Variants in SCMH1 observed in about 807,000 individuals in gnomAD.
SCMH1 encodes polycomb protein SCMH1.
Under a neutral mutation model 70.8 loss-of-function variants are expected in SCMH1, and 37 were observed. That is an observed-to-expected ratio of 0.52 (90% CI 0.40 to 0.69). SCMH1 has a LOEUF of 0.69. Ranked by LOEUF, SCMH1 falls within the 30% of genes least tolerant of loss-of-function variation. SCMH1 has a pLI of 0.00. For synonymous variants in SCMH1, 292 were observed against 307.4 expected (o/e 0.95, Z 0.52); for missense variants, 607 against 827.3 (o/e 0.73, Z 3.27).
intron 11 of SCMH1, 68 bp downstream of exon 11, chr1:41,048,622 A>C: frequency 7.0e-7 from 1 of 1,435,954 alleles, no homozygotes; most frequent in Non-Finnish European, 9.7e-7. Context: ...GATGCCTTAC[A>C]AGAAATCAAC....
rs61364234 is a variant in SCMH1 at position 41,080,425 on chromosome 1, G to GA, written c.746-4975dup. ...CAAAACATGACAAAGATAGTTACAAGAAAAAAAAACTATAGACTAATATCC... is the reference window on the plus strand; with the variant it reads ...CAAAACATGACAAAGATAGTTACAAGAAAAAAAAAACTATAGACTAATATCC... On this transcript the variant is annotated intron_variant, in intron 8 of 14. Coordinates refer to ENST00000337495, the Ensembl canonical transcript of SCMH1. 1.5e-3 allele frequency among the ~76,000 whole-genome samples: 226 copies of GA among 150,228 alleles called. 5 individuals are homozygous for GA. The East Asian group carries it at 0.022, about 15-fold the overall frequency.
chr1:41,052,003 C>A (rs1648352739), intron 10 of SCMH1, among the ~76,000 whole-genome samples: 1 of 152,150 alleles, frequency 6.6e-6, no homozygotes, highest in Non-Finnish European at 1.5e-5. Flanking sequence ...ATAGGTGTAC[C>A]ATTTAAAAAA....
At chr1:41,187,083 A>G (rs1650423502) in intron 1 of SCMH1, among the ~76,000 whole-genome samples, 1 of 152,120 alleles carries the variant, frequency 6.6e-6, no homozygotes, top group Non-Finnish European at 1.5e-5. Flanking sequence ...AACAAAACAA[A>G]AAATGCTGAA....
At chr1:41,218,816 T>C (rs1303333222) in intron 1 of SCMH1, among the ~76,000 whole-genome samples, 1 of 152,192 alleles carries the variant, frequency 6.6e-6, no homozygotes, top group African/African-American at 2.4e-5. Context: ...CACTAAACTT[T>C]CTCTTATGTA....
chr1:41,189,974 T>C (rs1471777412), intron 1 of SCMH1, among the ~76,000 whole-genome samples: 1 of 152,212 alleles, frequency 6.6e-6, no homozygotes, highest in East Asian at 1.9e-4. Flanking sequence ...GTGGTTCCTA[T>C]AGTGCCACTT....
Position 41,103,132 on chromosome 1 carries a change from A to T in SCMH1, c.745+10151T>A, listed in dbSNP as rs533716060. Among the ~76,000 whole-genome samples, 111 of 145,388 alleles carry T rather than the reference A, an allele frequency of 7.6e-4. No homozygotes were observed. The East Asian group carries it at 0.014, about 18-fold the overall frequency. ...TAATCTAGGGAATCAAGGGAAGAAA[A>T]TTTTTTTTTTTTTCTTTAAGACAGA... On this transcript the variant is annotated intron_variant, in intron 8 of 14. Coordinates refer to ENST00000337495, the Ensembl canonical transcript of SCMH1.
chr1:41,069,665 A>G (rs532698413), intron 10 of SCMH1, among the ~76,000 whole-genome samples: 1 of 152,330 alleles, frequency 6.6e-6, no homozygotes, highest in East Asian at 1.9e-4. Flanking sequence ...TAATCCTATC[A>G]TTGTATAGAT....
chr1:41,098,928 G>C (rs927516590), intron 8 of SCMH1: 2 of 256,298 alleles, frequency 7.8e-6, no homozygotes, highest in African/African-American at 4.6e-5. Context: ...CTGACCACTG[G>C]GTCAGCCATG....
At chr1:41,165,506 A>G (rs1046238518) in intron 2 of SCMH1, among the ~76,000 whole-genome samples, 3 of 152,138 alleles carry the variant, frequency 2.0e-5, no homozygotes, top group Non-Finnish European at 4.4e-5. Flanking sequence ...TATCCGTAAC[A>G]GTGTATAAAG....
At chr1:41,228,886 C>A (rs1251188100) in intron 1 of SCMH1, among the ~76,000 whole-genome samples, 2 of 152,180 alleles carry the variant, frequency 1.3e-5, no homozygotes, top group Non-Finnish European at 2.9e-5. Context: ...TCAGATGCAA[C>A]TGCAGTAATT....
At chr1:41,224,338 T>G (rs1164679770) in intron 1 of SCMH1, among the ~76,000 whole-genome samples, 1 of 152,208 alleles carries the variant, frequency 6.6e-6, no homozygotes, top group Non-Finnish European at 1.5e-5. Flanking sequence ...CCCCTGTATC[T>G]AACACATGGT....
intron 10 of SCMH1, among the ~76,000 whole-genome samples, chr1:41,054,901 A>G (rs918292680): frequency 2.0e-5 from 3 of 152,074 alleles, no homozygotes; most frequent in African/African-American, 7.2e-5. Context: ...CTCCCACCTC[A>G]GCCTCCTGAG....
intron 6 of SCMH1, among the ~76,000 whole-genome samples, chr1:41,119,903 C>A (rs1557530267): frequency 6.6e-6 from 1 of 152,124 alleles, no homozygotes; most frequent in Non-Finnish European, 1.5e-5. Context: ...TGCTACTCTT[C>A]TTTTGACAAT....
chr1:41,230,327 T>G (rs1041669940), intron 1 of SCMH1, among the ~76,000 whole-genome samples: 12 of 151,994 alleles, frequency 7.9e-5, no homozygotes, highest in African/African-American at 2.9e-4. Flanking sequence ...TAGGATGTAG[T>G]CCTAAGGGGT....
intron 13 of SCMH1, 53 bp from the exon 15 acceptor site, chr1:41,028,779 C>T: frequency 6.3e-7 from 1 of 1,594,228 alleles, no homozygotes; most frequent in Non-Finnish European, 8.6e-7. Flanking sequence ...TTTGTAAATC[C>T]CCACCACTCT....
At chr1:41,160,009 C>T (rs977887929) in intron 4 of SCMH1, 2 of 336,236 alleles carry the variant, frequency 5.9e-6, no homozygotes, top group African/African-American at 4.3e-5. Flanking sequence ...CACAAAGTTA[C>T]TAAGTGGCAG....
intron 4 of SCMH1, 147 bp from the exon 5 acceptor site, chr1:41,151,831 A>T (rs1444644205): frequency 2.0e-6 from 1 of 498,708 alleles, no homozygotes; most frequent in Non-Finnish European, 3.7e-6. Context: ...TCAAAGGAGT[A>T]TTAAGGGGAA....
At chr1:41,151,515 G>A in intron 5 of SCMH1, 99 bp downstream of exon 5, 1 of 857,826 alleles carries the variant, frequency 1.2e-6, no homozygotes, top group Non-Finnish European at 1.8e-6. Context: ...GGGCCCTCAG[G>A]TAAGAAGCCC....
rs116188981 is a variant in SCMH1 at position 41,036,835 on chromosome 1, T to G, written c.1678+527A>C. Among the ~76,000 whole-genome samples, 408 of 152,260 alleles carry G rather than the reference T, an allele frequency of 2.7e-3. 2 individuals carry two copies. The highest frequency in any genetic ancestry group is 9.5e-3 in the African/African-American group (396 of 41,532). On this transcript the variant is annotated intron_variant, in intron 13 of 14. Coordinates refer to ENST00000337495, the Ensembl canonical transcript of SCMH1. ...CCTCTTCCTGGAAAGCTCTCCCTCC[T>G]CTACCAGCCCTGATATGGCCATTTA...
Sources: allele counts gnomAD v4.1 joint callset (sites outside exome capture counted in the v4.1 genomes callset), GRCh38; gene constraint gnomAD v4.1.1; transcripts MANE v1.5; gene names NCBI Gene and HGNC (gene_info 2026-07-23, HGNC 2026-07-21).